Variants in ERC1 observed in about 807,000 individuals in gnomAD.
ERC1 encodes RAB6 interacting protein 2.
Under a neutral mutation model 132.0 loss-of-function variants are expected in ERC1, and 56 were observed. The observed-to-expected ratio is 0.42, with a 90% CI of 0.34 to 0.53. The LOEUF (loss-of-function observed/expected upper bound fraction) is 0.53, where lower values mean the gene tolerates loss of function less well. Ranked by LOEUF, ERC1 falls within the 20% of genes least tolerant of loss-of-function variation. The pLI, the probability that ERC1 is intolerant of heterozygous loss-of-function variation, is 0.03. For missense variants in ERC1, 1,202 were observed against 1,349.9 expected, an observed-to-expected ratio of 0.89 and a Z score of 1.72; for synonymous variants, 478 against 476.1, an observed-to-expected ratio of 1.00 and a Z score of -0.05.
intron 1 of ERC1, chr12:998,594 T>C (rs1018750926): frequency 4.6e-5 from 7 of 152,288 alleles, no homozygotes; most frequent in African/African-American, 1.4e-4. Context: ...TGTAACCTTA[T>C]CTTGGAAGTG....
intron 12 of ERC1, among the ~76,000 whole-genome samples, chr12:1,198,815 AAC>A (rs1176162484): frequency 6.6e-6 from 1 of 152,126 alleles, no homozygotes; most frequent in African/African-American, 2.4e-5. Flanking sequence ...CACACTTTCA[AAC>A]AACCAGATCT....
chr12:1,445,222 ATTTTTTT>A (rs137864873), intron 18 of ERC1, among the ~76,000 whole-genome samples: 4 of 90,728 alleles, frequency 4.4e-5, no homozygotes, highest in African/African-American at 1.1e-4. Flanking sequence ...TGTACAGTAG[ATTTTTTT>A]TTTTTTTTTT....
At chr12:1,193,193 G>C (rs1955900110) in intron 12 of ERC1, among the ~76,000 whole-genome samples, 1 of 152,098 alleles carries the variant, frequency 6.6e-6, no homozygotes, top group African/African-American at 2.4e-5. Context: ...TAAATAAATA[G>C]GTCCTTCCCA....
chr12:1,293,179 G>A (rs1470253399), intron 15 of ERC1, among the ~76,000 whole-genome samples: 15 of 146,730 alleles, frequency 1.0e-4, no homozygotes, highest in African/African-American at 3.3e-4. Context: ...GCATGGCTGG[G>A]CACGGTGGCT....
rs779729714 is a variant in ERC1 at position 1,027,915 on chromosome 12, T to G, written c.12T>G (p.Ser4Arg). 4 of 1,606,882 alleles carry G rather than the reference T, an allele frequency of 2.5e-6. No individual in the cohort carries two copies. The highest frequency in any genetic ancestry group is 3.4e-6 in the Non-Finnish European group (4 of 1,175,012). The change falls in exon 2 of 19, where the codon AGT becomes AGG. Residue 4 changes from serine (S) to arginine (R), a missense_variant. By Grantham distance (110) the Ser-to-Arg change is moderately radical (BLOSUM62 -1). Transcript: ENST00000360905. Reference protein sequence around the residue: MYGSARSVGKVEPS... With the variant: MYGRARSVGKVEPS... ...CTGACCTTGCAACCATGTATGGAAG[T>G]GCCCGCTCTGTTGGGAAGGTGGAGC...
chr12:1,167,403 A>G (rs1952531689), intron 8 of ERC1, among the ~76,000 whole-genome samples: 1 of 152,154 alleles, frequency 6.6e-6, no homozygotes, highest in Non-Finnish European at 1.5e-5. Context: ...GTATCTGTCA[A>G]CTCTAGTTGA....
At chr12:1,320,798 T>A (rs2082062635) in intron 15 of ERC1, among the ~76,000 whole-genome samples, 1 of 152,160 alleles carries the variant, frequency 6.6e-6, no homozygotes, top group South Asian at 2.1e-4. Context: ...GCCTCCCGGG[T>A]TCACGTCATT....
At chr12:1,432,385 G>C (rs1035677466) in intron 17 of ERC1, among the ~76,000 whole-genome samples, 1 of 152,194 alleles carries the variant, frequency 6.6e-6, no homozygotes, top group African/African-American at 2.4e-5. Context: ...TTGCTTATCT[G>C]GTTCTTGTTG....
rs2079652690 is a variant in ERC1, at chr12:1,293,555, G to C, written c.2780+3543G>C. Among the ~76,000 whole-genome samples, 3 of 133,266 alleles carry C rather than the reference G, an allele frequency of 2.3e-5. No homozygotes were observed. In the South Asian group the frequency reaches 7.0e-4, roughly 31 times the overall value. 87.4% of individuals were successfully genotyped at this position (133,266 alleles called of 152,430 possible). A position where few individuals can be genotyped will look rare whatever the true frequency, so the allele number is the denominator to read the frequency against. On this transcript the variant is annotated intron_variant, in intron 15 of 18. Transcript: ENST00000360905. ...GAGGCAGGAGAATCACTTGAACCCA[G>C]GAGGCGGAGGTTGCAGTGAGCCGAG...
intron 18 of ERC1, among the ~76,000 whole-genome samples, chr12:1,458,129 G>A (rs1469534398): frequency 6.6e-6 from 1 of 152,212 alleles, no homozygotes; most frequent in African/African-American, 2.4e-5. Context: ...GATTCTGCTA[G>A]CATAGCTGGT....
chr12:1,004,314 C>T (rs1963046680), intron 1 of ERC1, among the ~76,000 whole-genome samples: 1 of 151,908 alleles, frequency 6.6e-6, no homozygotes, highest in South Asian at 2.1e-4. Flanking sequence ...GATGCTTCCC[C>T]CCCTTTCAAC....
chr12:1,353,018 C>A, intron 15 of ERC1, among the ~76,000 whole-genome samples: 1 of 140,286 alleles, frequency 7.1e-6, no homozygotes, highest in Non-Finnish European at 1.5e-5. Flanking sequence ...ATCAAGTCTT[C>A]TTTTCTTTTC....
chr12:1,246,688 A>G (rs1413611532), intron 13 of ERC1, among the ~76,000 whole-genome samples: 1 of 152,248 alleles, frequency 6.6e-6, no homozygotes, highest in Non-Finnish European at 1.5e-5. Context: ...CCAGTAATAA[A>G]GAGACATTGA....
Position 1,198,768 on chromosome 12 carries a change from G to T in ERC1, c.2351+8716G>T, listed in dbSNP as rs575104482. ...GGGAAGCAGGCACATTTACATGGCC[G>T]GCAGGAGAGAGAGAGCCAGCAAAGG... On this transcript the variant is annotated intron_variant, in intron 12 of 18. Transcript: ENST00000360905. Among the ~76,000 whole-genome samples the T allele has an allele frequency of 9.3e-5, 14 of 151,008 alleles. No individual in the cohort carries two copies. The East Asian group carries it at 2.7e-3, about 29-fold the overall frequency.
At chr12:1,115,831 TC>T in intron 6 of ERC1, 34 bp from the exon 7 acceptor site, 1 of 1,586,022 alleles carries the variant, frequency 6.3e-7, no homozygotes, top group Non-Finnish European at 8.6e-7. Context: ...TTGTTTTATT[TC>T]TTTTTTCCTT....
intron 12 of ERC1, among the ~76,000 whole-genome samples, chr12:1,200,851 C>T (rs1236273813): frequency 6.6e-6 from 1 of 152,212 alleles, no homozygotes; most frequent in Non-Finnish European, 1.5e-5. Flanking sequence ...AGCCACTGCA[C>T]CCGGCCCACA....
intron 17 of ERC1, among the ~76,000 whole-genome samples, chr12:1,421,915 A>C (rs1471738079): frequency 2.6e-5 from 4 of 152,138 alleles, no homozygotes; most frequent in Non-Finnish European, 5.9e-5. Context: ...AGTCCCAGCT[A>C]CTTGGGAAGC....
chr12:1,116,282 A>G (rs1391959351), intron 7 of ERC1: 2 of 341,272 alleles, frequency 5.9e-6, no homozygotes, highest in East Asian at 4.8e-5. Context: ...CTGTACTTCA[A>G]AGTATACTCT....
chr12:1,163,060 T>C (rs780023937), intron 8 of ERC1, among the ~76,000 whole-genome samples: 2 of 152,232 alleles, frequency 1.3e-5, no homozygotes, highest in African/African-American at 4.8e-5. Flanking sequence ...TAAGGAAATA[T>C]ACTCTGTGTA....
Sources: gnomAD v4.1 joint callset for allele counts (sites outside exome capture counted in the v4.1 genomes callset) on GRCh38, gnomAD v4.1.1 for gene constraint, MANE v1.5 for transcripts, NCBI Gene and HGNC (gene_info 2026-07-23, HGNC 2026-07-21) for gene names.